Variants in STAU2 observed in about 807,000 individuals in gnomAD.
The protein encoded by STAU2 is double-stranded RNA-binding protein Staufen homolog 2.
Under a neutral mutation model 65.9 loss-of-function variants are expected in STAU2, and 20 were observed. That is an observed-to-expected ratio of 0.30 (90% CI 0.21 to 0.44). The LOEUF (loss-of-function observed/expected upper bound fraction) is 0.44. STAU2 is among the 20% of genes least tolerant of loss of function. STAU2 has a pLI of 1.00. For missense variants in STAU2, 558 were observed against 683.9 expected (o/e 0.82, Z 2.05); for synonymous variants, 232 against 233.9 (o/e 0.99, Z 0.07).
upstream of STAU2, chr8:73,747,422 G>C: frequency 6.5e-7 from 1 of 1,535,212 alleles, no homozygotes. Flanking sequence ...TCTGTGCTGT[G>C]CAGGGGACGC....
chr8:73,610,472 G>A (rs971756500), intron 9 of STAU2, among the ~76,000 whole-genome samples: 3 of 146,148 alleles, frequency 2.1e-5, no homozygotes, highest in Non-Finnish European at 4.5e-5. Context: ...GGAGGCAGAA[G>A]TTGCAGCCAG....
intron 13 of STAU2, among the ~76,000 whole-genome samples, chr8:73,468,285 C>T (rs962257736): frequency 2.6e-4 from 39 of 152,194 alleles, no homozygotes; most frequent in Non-Finnish European, 5.4e-4. Context: ...CCCTTCCTTA[C>T]ACCTTATACA....
intron 11 of STAU2, among the ~76,000 whole-genome samples, chr8:73,585,368 T>TA (rs1363907096): frequency 6.6e-6 from 1 of 152,146 alleles, no homozygotes; most frequent in Non-Finnish European, 1.5e-5. Flanking sequence ...TAATCCCAGA[T>TA]ACTCAGGAGG....
intron 6 of STAU2, among the ~76,000 whole-genome samples, chr8:73,619,934 T>C (rs974783711): frequency 8.1e-6 from 1 of 123,086 alleles, no homozygotes; most frequent in African/African-American, 2.6e-5. Context: ...CAGTTTTCTA[T>C]TAATTTAAGA....
At chr8:73,482,390 G>A (rs1255051376) in intron 13 of STAU2, among the ~76,000 whole-genome samples, 2 of 151,898 alleles carry the variant, frequency 1.3e-5, no homozygotes, top group African/African-American at 4.8e-5. Flanking sequence ...ATAGACATTT[G>A]CACATATGAA....
chr8:73,596,806 A>G (rs1453818733), intron 10 of STAU2, among the ~76,000 whole-genome samples: 1 of 152,304 alleles, frequency 6.6e-6, no homozygotes, highest in East Asian at 1.9e-4. Context: ...CCGTGATCAC[A>G]TCACCACACT....
chr8:73,488,666 C>G (rs1257190301), intron 13 of STAU2, among the ~76,000 whole-genome samples: 2 of 142,442 alleles, frequency 1.4e-5, no homozygotes, highest in Non-Finnish European at 3.0e-5. Context: ...TTTCATCCCT[C>G]AACAGAGGAA....
chr8:73,466,441 G>T (rs1375290642), intron 13 of STAU2, among the ~76,000 whole-genome samples: 1 of 152,192 alleles, frequency 6.6e-6, no homozygotes, highest in Non-Finnish European at 1.5e-5. Context: ...TTTCTAGGCA[G>T]GATGAAAGAA....
At chr8:73,636,646 T>C (rs1459410995) in intron 6 of STAU2, among the ~76,000 whole-genome samples, 1 of 151,988 alleles carries the variant, frequency 6.6e-6, no homozygotes, top group Non-Finnish European at 1.5e-5. Flanking sequence ...GTGGGTCACT[T>C]GAGGCTATGA....
At chr8:73,632,313 A>G (rs979194041) in intron 6 of STAU2, among the ~76,000 whole-genome samples, 1 of 152,048 alleles carries the variant, frequency 6.6e-6, no homozygotes, top group Admixed American at 6.6e-5. Context: ...AAAGCCTGCC[A>G]CATACTCTTA....
intron 4 of STAU2, among the ~76,000 whole-genome samples, chr8:73,704,437 A>T (rs2130619728): frequency 6.6e-6 from 1 of 152,328 alleles, no homozygotes; most frequent in African/African-American, 2.4e-5. Context: ...CAGACCATGT[A>T]TTACATAATA....
At chr8:73,701,123 A>G (rs924130295) in intron 4 of STAU2, among the ~76,000 whole-genome samples, 1 of 152,166 alleles carries the variant, frequency 6.6e-6, no homozygotes, top group Admixed American at 6.6e-5. Context: ...AAAAAATCAA[A>G]TCAAAATGGA....
chr8:73,497,122 A>G (rs1473931574), intron 13 of STAU2, among the ~76,000 whole-genome samples: 1 of 151,738 alleles, frequency 6.6e-6, no homozygotes, highest in African/African-American at 2.4e-5. Flanking sequence ...ATCATTAAGA[A>G]GCAAAGAACT....
intron 13 of STAU2, among the ~76,000 whole-genome samples, chr8:73,497,850 A>G (rs920873225): frequency 1.3e-5 from 2 of 151,852 alleles, no homozygotes; most frequent in African/African-American, 4.8e-5. Context: ...TATAATTACC[A>G]TAACAGAATT....
At chr8:73,651,277 C>G (rs1485238511) in intron 6 of STAU2, 1 of 662,158 alleles carries the variant, frequency 1.5e-6, no homozygotes, top group East Asian at 2.8e-5. Context: ...AAACGCCTGG[C>G]GGGCCCCACT....
chr8:73,615,454 T>C (rs1438514862), intron 8 of STAU2, among the ~76,000 whole-genome samples: 2 of 152,200 alleles, frequency 1.3e-5, no homozygotes, highest in African/African-American at 4.8e-5. Flanking sequence ...ATACCATGTA[T>C]ACAAAAGGCT....
rs1456604885 is a variant in STAU2 at position 73,651,253 on chromosome 8, T to C, written c.410+21854A>G. The C allele has an allele frequency of 4.3e-6, 3 of 696,924 alleles. No homozygotes were observed. The East Asian group carries it at 8.5e-5, about 20-fold the overall frequency. 43.2% of individuals were successfully genotyped at this position (696,924 alleles called of 1,614,324 possible). On this transcript the variant is annotated intron_variant, in intron 6 of 14. Coordinates refer to ENST00000524300, the MANE Select transcript of STAU2 (RefSeq NM_001164380.2). ...TCCGCCAGAGAGGGCTATGGCTGGGTTGAGGAAAGGGCCAAACGCCTGGCG... is the reference window on the plus strand; with the variant it reads ...TCCGCCAGAGAGGGCTATGGCTGGGCTGAGGAAAGGGCCAAACGCCTGGCG...
intron 12 of STAU2, among the ~76,000 whole-genome samples, chr8:73,572,431 G>A (rs1314914144): frequency 6.6e-6 from 1 of 152,110 alleles, no homozygotes; most frequent in African/African-American, 2.4e-5. Flanking sequence ...CCAAAGCCTG[G>A]CAGAGATACA....
At chr8:73,717,739 C>T (rs1001594129) in intron 3 of STAU2, among the ~76,000 whole-genome samples, 4 of 152,308 alleles carry the variant, frequency 2.6e-5, no homozygotes, top group African/African-American at 9.6e-5. Context: ...CCTCCACCTC[C>T]TGGGTTCAAG....
Sources: allele counts gnomAD v4.1 joint callset (sites outside exome capture counted in the v4.1 genomes callset), GRCh38; gene constraint gnomAD v4.1.1; transcripts MANE v1.5; gene names NCBI Gene and HGNC (gene_info 2026-07-23, HGNC 2026-07-21).